Variants in ZNF594 observed in about 807,000 individuals in gnomAD.
ZNF594 encodes the protein zinc finger protein 594.
For missense variants in ZNF594, 1,037 were observed against 964.6 expected (o/e 1.08, Z -0.99); for synonymous variants, 336 against 309.4 (o/e 1.09, Z -0.90).
rs552903847 is a variant in ZNF594, at chr17:5,186,347, A to G, written c.-20-2071T>C. Among the ~76,000 whole-genome samples, 4 of 152,332 alleles carry G rather than the reference A, an allele frequency of 2.6e-5. No homozygotes were observed. In the South Asian group the frequency reaches 8.3e-4, roughly 32 times the overall value. On this transcript the variant is annotated intron_variant, in intron 1 of 1. Transcript: ENST00000575779. ...TGAAGCCACAGCTTGAGCTCTATCT[A>G]CATTGGCCCCTTTCAGCCATGGCTA...
intron 1 of ZNF594, among the ~76,000 whole-genome samples, chr17:5,187,308 C>T (rs2074391942): frequency 6.6e-6 from 1 of 152,196 alleles, no homozygotes; most frequent in Admixed American, 6.5e-5. Flanking sequence ...GAGACTTATT[C>T]ACTACCATGA....
In ZNF594 at chr17:5,180,808, A is replaced by G. The variant is rs888092009; in HGVS notation, c.*1025T>C. 1.6e-5 allele frequency: 6 copies of G among 373,402 alleles called. No homozygotes were observed. The highest frequency in any genetic ancestry group is 2.0e-5 in the Non-Finnish European group (4 of 197,056). The allele number at this position is 373,402 out of a possible 1,614,324, so 23.1% of individuals were successfully genotyped here. Reference sequence around the variant, plus strand: ...ACTTGATTATACTTACGTTTGAAAAATCCAGTAGGTATTTTCTCTGCTTTC... The same window carrying G: ...ACTTGATTATACTTACGTTTGAAAAGTCCAGTAGGTATTTTCTCTGCTTTC... On this transcript the variant is annotated 3_prime_UTR_variant, in exon 2 of 2. Transcript: ENST00000575779.
rs2074348268 is a variant in ZNF594 at position 5,182,220 on chromosome 17, G to A, written c.2037C>T (p.Pro679=). The A allele has an allele frequency of 6.2e-7, 1 of 1,613,514 alleles. No homozygotes were observed. The change falls in exon 2 of 2, where the codon CCC becomes CCT. Residue 679 remains proline, a synonymous_variant. Transcript: ENST00000575779. The stretch of plus-strand genomic sequence containing the variant: ...CATTCCCACATTCACTGCACTGATA[G>A]GGTTTCTCTCCAGTATGGATTTTCT... ...THQKIHTGEK[P]YQCSECGNAF...
Position 5,181,612 on chromosome 17 carries a change from T to G in ZNF594, c.*221A>C, listed in dbSNP as rs758179913. Reference sequence around the variant, plus strand: ...CGTTGAATAAGGAGTGAACGCCGCCTGAAGGCTTTTTCACATTCAGTGCAC... The same window carrying G: ...CGTTGAATAAGGAGTGAACGCCGCCGGAAGGCTTTTTCACATTCAGTGCAC... On this transcript the variant is annotated 3_prime_UTR_variant, in exon 2 of 2. Transcript: ENST00000575779. 6.2e-6 allele frequency: 10 copies of G among 1,606,982 alleles called. No individual in the cohort carries two copies. Among genetic ancestry groups the G allele is most frequent in the Non-Finnish European group, 6.0e-6 (7 of 1,173,638 alleles).
chr17:5,181,812 G>C lies in ZNF594; in HGVS notation c.*21C>G. On this transcript the variant is annotated 3_prime_UTR_variant, in exon 2 of 2. Coordinates refer to ENST00000575779, the MANE Select transcript of ZNF594 (RefSeq NM_032530.2). Reference sequence around the variant, plus strand: ...TTCCCCACATTTATTGCATACGTAAGGTTTTTCTCCACTGTGAATTCTATG... The same window carrying C: ...TTCCCCACATTTATTGCATACGTAACGTTTTTCTCCACTGTGAATTCTATG... The C allele has an allele frequency of 1.2e-6, 2 of 1,613,930 alleles. No individual in the cohort carries two copies. The highest frequency in any genetic ancestry group is 1.7e-6 in the Non-Finnish European group (2 of 1,179,968).
chr17:5,176,395 C>CAAAAAAAAAAAAAAAAAAAAAAAAAAA (rs34510280), downstream of ZNF594, among the ~76,000 whole-genome samples: 1 of 85,620 alleles, frequency 1.2e-5, no homozygotes, highest in Non-Finnish European at 2.3e-5. Flanking sequence ...AACTCTGTCT[C>CAAAAAAAAAAAAAAAAAAAAAAAAAAA]AAAAAAAAAA....
Position 5,182,976 on chromosome 17 carries a change from A to C in ZNF594, c.1281T>G (p.Ser427Arg). Residue 427 changes from serine (S) to arginine (R), a missense_variant, in exon 2 of 2, where the codon AGT becomes AGG. Coordinates refer to ENST00000575779, the MANE Select transcript of ZNF594 (RefSeq NM_032530.2). ...SDLLRHHRIH[S>R]GEKPCVCSKC... Reference sequence around the variant, plus strand: ...TGCTACATACACAAGGTTTTTCTCCACTGTGAATTCTATGATGTCTCAGAA... The same window carrying C: ...TGCTACATACACAAGGTTTTTCTCCCCTGTGAATTCTATGATGTCTCAGAA... 1 of 1,613,974 alleles carries C rather than the reference A, an allele frequency of 6.2e-7. No homozygotes were observed. The highest frequency in any genetic ancestry group is 8.5e-7 in the Non-Finnish European group (1 of 1,180,004).
chr17:5,191,420 A>C (rs1003635445), intron 1 of ZNF594: 21 of 152,022 alleles, frequency 1.4e-4, no homozygotes, highest in Admixed American at 6.5e-5. Flanking sequence ...TTGGTTACAT[A>C]TACAAATATA....
At position 5,183,588 on chromosome 17, in the gene ZNF594, GC is replaced by G; in HGVS notation, c.668del (p.Ser223ThrfsTer174). On this transcript the variant is annotated frameshift_variant, in exon 2 of 2. Coordinates refer to ENST00000575779, the MANE Select transcript of ZNF594 (RefSeq NM_032530.2). LOFTEE classifies it low-confidence loss of function (END_TRUNC). Reference sequence around the variant, plus strand: ...TTCTCTGGTGCAGGACAAGGTTTGAGCTTCCCTTAAAAGCCTTCCCACACTC... The same window carrying G: ...TTCTCTGGTGCAGGACAAGGTTTGAGTTCCCTTAAAAGCCTTCCCACACTC... ...CKECGKAFKG[S>X]SNLVLHQRIH... 1 of 1,614,160 alleles carries G rather than the reference GC, an allele frequency of 6.2e-7. No homozygotes were observed. The highest frequency in any genetic ancestry group is 1.1e-5 in the South Asian group (1 of 91,084).
In ZNF594 at chr17:5,179,542, TA is replaced by T. The variant is rs1242952808; in HGVS notation, c.*2290del. 6.5e-6 allele frequency: 1 copy of T among 152,764 alleles called. No individual in the cohort carries two copies. The highest frequency in any genetic ancestry group is 2.4e-5 in the African/African-American group (1 of 41,458). 9.5% of individuals were successfully genotyped at this position (152,764 alleles called of 1,614,324 possible). A position where few individuals can be genotyped will look rare whatever the true frequency, so the allele number is the denominator to read the frequency against. ...TACTAAACAGTCACTAAGTAATTCTTAAATAACTTTTATTTCAACATTCAGT... is the reference window on the plus strand; with the variant it reads ...TACTAAACAGTCACTAAGTAATTCTTAATAACTTTTATTTCAACATTCAGT... On this transcript the variant is annotated 3_prime_UTR_variant, in exon 2 of 2. Coordinates refer to ENST00000575779, the MANE Select transcript of ZNF594 (RefSeq NM_032530.2).
At chr17:5,177,906 C>A (rs2074316562), downstream of ZNF594, among the ~76,000 whole-genome samples, 1 of 152,096 alleles carries the variant, frequency 6.6e-6, no homozygotes, top group Admixed American at 6.6e-5. Context: ...AAAACTCCTA[C>A]ATATACCGAA....
At chr17:5,190,154 G>T (rs774555727) in intron 1 of ZNF594, among the ~76,000 whole-genome samples, 1 of 152,152 alleles carries the variant, frequency 6.6e-6, no homozygotes, top group African/African-American at 2.4e-5. Flanking sequence ...AGTACCAGAG[G>T]TTGGGAGTTC....
chr17:5,181,626 C>T lies in ZNF594; in HGVS notation c.*207G>A, dbSNP rs2074341249. 1 of 1,595,990 alleles carries T rather than the reference C, an allele frequency of 6.3e-7. No homozygotes were observed. ...TGAACGCCGCCTGAAGGCTTTTTCA[C>T]ATTCAGTGCACTGATAGGGCTTCTC... On this transcript the variant is annotated 3_prime_UTR_variant, in exon 2 of 2. Coordinates refer to ENST00000575779, the MANE Select transcript of ZNF594 (RefSeq NM_032530.2).
intron 1 of ZNF594, among the ~76,000 whole-genome samples, chr17:5,186,255 A>G (rs1032710771): frequency 2.0e-5 from 3 of 152,186 alleles, no homozygotes; most frequent in Non-Finnish European, 2.9e-5. Context: ...CCAAACCTCA[A>G]TTCTTGACTT....
downstream of ZNF594, among the ~76,000 whole-genome samples, chr17:5,176,911 T>G (rs370563465): frequency 6.6e-6 from 1 of 151,922 alleles, no homozygotes; most frequent in East Asian, 1.9e-4. Flanking sequence ...AGTTGGTTTA[T>G]AGGGTTGGGC....
At position 5,183,457 on chromosome 17, in the gene ZNF594, T is replaced by C. The variant is rs757735652; in HGVS notation, c.800A>G (p.Tyr267Cys). 25 of 1,613,946 alleles carry C rather than the reference T, an allele frequency of 1.5e-5. No individual in the cohort carries two copies. The highest frequency in any genetic ancestry group is 2.0e-5 in the Non-Finnish European group (24 of 1,180,038). The change falls in exon 2 of 2, where the codon TAT becomes TGT. Residue 267 changes from tyrosine (Y) to cysteine (C), a missense_variant. Transcript: ENST00000575779. ...HHRIHTGEKP[Y>C]ECYDCGQMFS... ...CATCTGTCCACAGTCATAACATTCA[T>C]AGGGTTTCTCTCCAGTGTGAATTCT...
At position 5,181,762 on chromosome 17, in the gene ZNF594, T is replaced by G; in HGVS notation, c.*71A>C. The G allele has an allele frequency of 1.2e-6, 2 of 1,604,956 alleles. No individual in the cohort carries two copies. Among genetic ancestry groups the G allele is most frequent in the South Asian group, 2.2e-5 (2 of 90,852 alleles). ...CCAGTATGAACACGATGGTGTTTAA[T>G]AAGATCTGAGCTGCTCCTAAAAGAT... On this transcript the variant is annotated 3_prime_UTR_variant, in exon 2 of 2. Coordinates refer to ENST00000575779, the MANE Select transcript of ZNF594 (RefSeq NM_032530.2).
At chr17:5,176,407 A>G (rs1598122126), downstream of ZNF594, among the ~76,000 whole-genome samples, 1 of 151,560 alleles carries the variant, frequency 6.6e-6, no homozygotes, top group African/African-American at 2.4e-5. Flanking sequence ...AAAAAAAAAA[A>G]AAAAAAAAAG....
chr17:5,175,240 T>C (rs544600398), downstream of ZNF594, among the ~76,000 whole-genome samples: 1 of 152,292 alleles, frequency 6.6e-6, no homozygotes, highest in Non-Finnish European at 1.5e-5. Context: ...GCTGTATTTA[T>C]AGCCGCTCCC....
Sources: gnomAD v4.1 joint callset for allele counts (sites outside exome capture counted in the v4.1 genomes callset) on GRCh38, gnomAD v4.1.1 for gene constraint, MANE v1.5 for transcripts, NCBI Gene and HGNC (gene_info 2026-07-23, HGNC 2026-07-21) for gene names.